Variants in EIF4G3 observed in about 807,000 individuals in gnomAD.
The protein encoded by EIF4G3 is eIF-4-gamma 3.
A neutral mutation model predicts 186.4 loss-of-function variants in EIF4G3; 34 were observed. The observed-to-expected ratio is 0.18, with a 90% CI of 0.14 to 0.24. The LOEUF is 0.24. EIF4G3 is among the 10% of genes least tolerant of loss of function. EIF4G3 has a pLI of 1.00. For synonymous variants in EIF4G3, 673 were observed against 679.5 expected, an observed-to-expected ratio of 0.99 and a Z score of 0.15; for missense variants, 1,536 against 1,948.5, an observed-to-expected ratio of 0.79 and a Z score of 3.99.
chr1:21,158,642 G>A (rs1484734638), intron 2 of EIF4G3, among the ~76,000 whole-genome samples: 1 of 152,052 alleles, frequency 6.6e-6, no homozygotes, highest in Non-Finnish European at 1.5e-5. Flanking sequence ...TAGGCACAGT[G>A]GCACACACTT....
chr1:21,027,448 G>C (rs1279707270), intron 4 of EIF4G3, among the ~76,000 whole-genome samples: 1 of 151,848 alleles, frequency 6.6e-6, no homozygotes, highest in African/African-American at 2.4e-5. Context: ...GGCTAACCCA[G>C]TGAAAGCCTG....
chr1:20,822,172 G>A (rs774143737), intron 33 of EIF4G3, among the ~76,000 whole-genome samples: 5 of 152,082 alleles, frequency 3.3e-5, no homozygotes, highest in Non-Finnish European at 5.9e-5. Context: ...CACCACGCCT[G>A]GCTGATGTAT....
chr1:20,963,647 C>A (rs958197581), intron 12 of EIF4G3, among the ~76,000 whole-genome samples: 6 of 151,992 alleles, frequency 3.9e-5, no homozygotes, highest in Non-Finnish European at 7.4e-5. Context: ...GTACATAATT[C>A]ATTTTTAAAA....
intron 27 of EIF4G3, among the ~76,000 whole-genome samples, chr1:20,852,631 G>A (rs2073701404): frequency 6.6e-6 from 1 of 152,140 alleles, no homozygotes; most frequent in Admixed American, 6.6e-5. Flanking sequence ...CAGACCAGAA[G>A]CAGCAAATTA....
chr1:20,829,089 A>C, intron 31 of EIF4G3, 58 bp downstream of exon 31: 3 of 1,573,830 alleles, frequency 1.9e-6, no homozygotes, highest in Non-Finnish European at 2.6e-6. Flanking sequence ...GAGAGCTAGC[A>C]AGTGAGTTAT....
chr1:20,857,505 G>A lies in EIF4G3; in HGVS notation c.3245-8C>T. On this transcript the variant is annotated splice_polypyrimidine_tract_variant and splice_region_variant and intron_variant, in intron 24 of 36. Transcript: ENST00000602326. ...CGTCCACTCTCTGGACACCTGCAGG[G>A]AGAACAGAGTGGGAGTCTCTCATCT... 6.2e-7 allele frequency: 1 copy of A among 1,611,746 alleles called. No individual in the cohort carries two copies. The highest frequency in any genetic ancestry group is 2.2e-5 in the East Asian group (1 of 44,872).
At chr1:21,020,897 T>C (rs767341799) in intron 4 of EIF4G3, among the ~76,000 whole-genome samples, 3 of 152,212 alleles carry the variant, frequency 2.0e-5, no homozygotes, top group Non-Finnish European at 4.4e-5. Flanking sequence ...AACCACTGGG[T>C]AGTTCTACTG....
chr1:21,003,452 T>C (rs1234998871), intron 4 of EIF4G3: 1 of 169,046 alleles, frequency 5.9e-6, no homozygotes, highest in African/African-American at 2.4e-5. Flanking sequence ...AATCTCCTGA[T>C]AAAAGGACAT....
intron 3 of EIF4G3, among the ~76,000 whole-genome samples, chr1:21,083,298 TAAAA>T (rs760633898): frequency 1.2e-3 from 183 of 152,148 alleles, no homozygotes; most frequent in Non-Finnish European, 6.2e-4. Context: ...TTTAGCTGCC[TAAAA>T]ACCTTTCTTC....
intron 7 of EIF4G3, 68 bp downstream of exon 7, chr1:20,997,533 G>A: frequency 7.1e-7 from 1 of 1,415,436 alleles, no homozygotes; most frequent in Non-Finnish European, 9.8e-7. Flanking sequence ...AGCATTCTAA[G>A]AGTCAGCAGC....
intron 29 of EIF4G3, 41 bp from the exon 30 acceptor site, chr1:20,841,069 T>C (rs771566079): frequency 5.0e-6 from 8 of 1,596,604 alleles, no homozygotes; most frequent in African/African-American, 2.7e-5. Flanking sequence ...AAAATCTGAA[T>C]AGTGTTACCA....
chr1:21,007,781 A>G (rs983523256), intron 4 of EIF4G3, among the ~76,000 whole-genome samples: 27 of 152,224 alleles, frequency 1.8e-4, no homozygotes, highest in African/African-American at 6.5e-4. Flanking sequence ...CACAACAACC[A>G]AGGAAGATAA....
intron 3 of EIF4G3, among the ~76,000 whole-genome samples, chr1:21,071,903 G>A (rs2095454111): frequency 6.6e-6 from 1 of 151,316 alleles, no homozygotes; most frequent in South Asian, 2.1e-4. Context: ...TAAAGACAGA[G>A]AGAGAGAAGT....
chr1:21,076,818 A>C (rs1172772017), intron 3 of EIF4G3, among the ~76,000 whole-genome samples: 1 of 152,216 alleles, frequency 6.6e-6, no homozygotes, highest in Non-Finnish European at 1.5e-5. Context: ...TTAAATGTTA[A>C]GATCTGAAAC....
At chr1:20,943,967 A>ATTTTTT (rs34883265) in intron 13 of EIF4G3, among the ~76,000 whole-genome samples, 1 of 65,316 alleles carries the variant, frequency 1.5e-5, no homozygotes, top group African/African-American at 5.9e-5. Context: ...ACTTGTCTTT[A>ATTTTTT]TTTTTTTTGT....
chr1:21,049,783 T>A (rs1237950796), intron 4 of EIF4G3, among the ~76,000 whole-genome samples: 2 of 152,032 alleles, frequency 1.3e-5, no homozygotes, highest in African/African-American at 4.8e-5. Flanking sequence ...CTCAGCTAAC[T>A]GGGAAGCTGA....
intron 2 of EIF4G3, among the ~76,000 whole-genome samples, chr1:21,104,879 A>G (rs1055229322): frequency 5.9e-5 from 9 of 151,762 alleles, no homozygotes; most frequent in African/African-American, 1.9e-4. Context: ...CTACACGCCC[A>G]TAAAAAAAAA....
intron 13 of EIF4G3, among the ~76,000 whole-genome samples, chr1:20,945,880 T>C (rs2095923939): frequency 6.6e-6 from 1 of 152,224 alleles, no homozygotes; most frequent in African/African-American, 2.4e-5. Context: ...TACTAACATA[T>C]GTGCATAGGG....
chr1:20,825,251 GAAAAAA>G, intron 32 of EIF4G3, 53 bp from the exon 33 acceptor site: 13 of 228,854 alleles, frequency 5.7e-5, no homozygotes, highest in South Asian at 8.0e-5. Context: ...AGAAGAAACA[GAAAAAA>G]AAAAAAAAAA....
Sources: allele counts gnomAD v4.1 joint callset (sites outside exome capture counted in the v4.1 genomes callset), GRCh38; gene constraint gnomAD v4.1.1; transcripts MANE v1.5; gene names NCBI Gene and HGNC (gene_info 2026-07-23, HGNC 2026-07-21).